Variants in GRIN2B observed in about 807,000 individuals in gnomAD.
GRIN2B encodes the protein glutamate receptor ionotropic, NMDA 2B.
In GRIN2B, 5 loss-of-function variants were observed where a neutral mutation model predicts 114.5. The ratio of observed to expected loss-of-function variants is 0.04; its 90% CI spans 0.02 to 0.09. The LOEUF (loss-of-function observed/expected upper bound fraction) is 0.09. Among genes scored for constraint, GRIN2B ranks in the 10% least tolerant of loss-of-function variants. The pLI, the probability that GRIN2B is intolerant of heterozygous loss-of-function variation, is 1.00. For synonymous variants in GRIN2B, 787 were observed against 745.1 expected (o/e 1.06, Z -0.92); for missense variants, 1,108 against 1,943.5 (o/e 0.57, Z 8.08).
rs1555160020 is a variant in GRIN2B, at chr12:13,942,396, C to CGCTA, written c.-19+37531_-19+37532insTAGC. Among the ~76,000 whole-genome samples, 18 of 151,922 alleles carry CGCTA rather than the reference C, an allele frequency of 1.2e-4. No homozygotes were observed. In the South Asian group the frequency reaches 2.9e-3, roughly 24 times the overall value. On this transcript the variant is annotated intron_variant, in intron 2 of 13. Transcript: ENST00000609686. ...TCTATACTTCAGCCTCAGGCACAGG[C>CGCTA]ACTATTTGGGAAGCTAAGTTGTACA...
intron 3 of GRIN2B, among the ~76,000 whole-genome samples, chr12:13,789,897 G>A (rs776264614): frequency 6.6e-6 from 1 of 152,148 alleles, no homozygotes; most frequent in Non-Finnish European, 1.5e-5. Flanking sequence ...TTACTAAAAT[G>A]TGCAAGGGCC....
chr12:13,654,275 G>A (rs1265765330), intron 5 of GRIN2B, among the ~76,000 whole-genome samples: 1 of 152,104 alleles, frequency 6.6e-6, no homozygotes, highest in Non-Finnish European at 1.5e-5. Context: ...GGGAGGAGGT[G>A]GCAAGGGAAA....
At chr12:13,567,901 TAGACA>T (rs1948661741) in intron 12 of GRIN2B, among the ~76,000 whole-genome samples, 1 of 152,026 alleles carries the variant, frequency 6.6e-6, no homozygotes, top group Non-Finnish European at 1.5e-5. Flanking sequence ...CTTTATATTA[TAGACA>T]GTGGGGAATA....
At chr12:13,692,697 C>T (rs904254148) in intron 4 of GRIN2B, among the ~76,000 whole-genome samples, 1 of 151,414 alleles carries the variant, frequency 6.6e-6, no homozygotes, top group African/African-American at 2.4e-5. Flanking sequence ...CTCTGGTTAC[C>T]CGAGACCCTG....
chr12:13,948,583 T>C (rs1310096444), intron 2 of GRIN2B, among the ~76,000 whole-genome samples: 2 of 152,112 alleles, frequency 1.3e-5, no homozygotes, highest in East Asian at 3.9e-4. Flanking sequence ...CCAACACTGG[T>C]GACTTAACAA....
At chr12:13,825,807 G>A (rs7976206) in intron 3 of GRIN2B, among the ~76,000 whole-genome samples, 32,948 of 151,628 alleles carry the variant, frequency 0.22, 3,827 homozygotes, top group Non-Finnish European at 0.23. Context: ...ATGAGCCACC[G>A]CACCCGGCCA....
intron 2 of GRIN2B, chr12:13,977,308 A>G (rs368108209): frequency 6.6e-6 from 1 of 152,154 alleles, no homozygotes; most frequent in Admixed American, 6.5e-5. Context: ...AAATTAGACA[A>G]TCCAGTGGTA....
In GRIN2B at chr12:13,581,766, C is replaced by T. The variant is rs548474468; in HGVS notation, c.2011-9802G>A. On this transcript the variant is annotated intron_variant, in intron 10 of 13. Transcript: ENST00000609686. ...CTTTACTAAAAATACAAAAATTAGC[C>T]AGGTGTGGTGGCGCATGCCTGTAGT... is the stretch of plus-strand genomic sequence containing the variant. Among the ~76,000 whole-genome samples the T allele has an allele frequency of 2.0e-5, 3 of 152,046 alleles. No homozygotes were observed. In the South Asian group the frequency reaches 6.3e-4, roughly 32 times the overall value.
intron 5 of GRIN2B, among the ~76,000 whole-genome samples, chr12:13,629,999 A>T (rs559745692): frequency 1.3e-5 from 2 of 152,156 alleles, no homozygotes; most frequent in African/African-American, 4.8e-5. Context: ...ACTTGCCATG[A>T]TATCTTATAT....
chr12:13,575,670 C>CAAT (rs574433534), intron 10 of GRIN2B, among the ~76,000 whole-genome samples: 4,801 of 129,736 alleles, frequency 0.037, 101 homozygotes, highest in East Asian at 0.087. Context: ...AAAATGATAA[C>CAAT]AACAATAATA....
chr12:13,944,851 A>C (rs1180488910), intron 2 of GRIN2B, among the ~76,000 whole-genome samples: 1 of 152,192 alleles, frequency 6.6e-6, no homozygotes, highest in Non-Finnish European at 1.5e-5. Flanking sequence ...GGTAATCTAG[A>C]ATACAGAAGA....
At chr12:13,932,846 T>C (rs1867058032) in intron 2 of GRIN2B, among the ~76,000 whole-genome samples, 1 of 152,244 alleles carries the variant, frequency 6.6e-6, no homozygotes. Context: ...CACTGTTCTC[T>C]TCCCAGATAA....
chr12:13,817,178 A>G (rs377508209), intron 3 of GRIN2B, among the ~76,000 whole-genome samples: 2 of 152,172 alleles, frequency 1.3e-5, no homozygotes, highest in East Asian at 1.9e-4. Context: ...GAAAAGTCCA[A>G]CAGAAGGAAG....
At chr12:13,640,099 T>C (rs978293420) in intron 5 of GRIN2B, among the ~76,000 whole-genome samples, 2 of 152,016 alleles carry the variant, frequency 1.3e-5, no homozygotes, top group African/African-American at 2.4e-5. Context: ...AAAATGTAGA[T>C]ACAAGACCAG....
intron 5 of GRIN2B, among the ~76,000 whole-genome samples, chr12:13,656,036 C>G (rs1021687648): frequency 2.0e-5 from 3 of 152,182 alleles, no homozygotes; most frequent in African/African-American, 4.8e-5. Flanking sequence ...ACCTTTCCCT[C>G]TCCGTTCTCT....
chr12:13,756,196 A>T (rs1863573282), intron 3 of GRIN2B, among the ~76,000 whole-genome samples: 2 of 152,032 alleles, frequency 1.3e-5, no homozygotes, highest in South Asian at 4.1e-4. Flanking sequence ...TTGTATTTTT[A>T]GTAGAGAAGG....
intron 5 of GRIN2B, among the ~76,000 whole-genome samples, chr12:13,621,615 T>G (rs1349422253): frequency 8.0e-5 from 5 of 62,358 alleles, no homozygotes; most frequent in African/African-American, 1.4e-4. Flanking sequence ...TAGTTTTTGT[T>G]TTTTTTTTTT....
At chr12:13,599,211 T>C (rs1805478) in intron 10 of GRIN2B, among the ~76,000 whole-genome samples, 70,255 of 151,988 alleles carry the variant, frequency 0.46, 17,205 homozygotes, top group Middle Eastern at 0.59. Flanking sequence ...GAAATCTCGA[T>C]GTGGAATCGT....
chr12:13,726,583 A>C (rs945649486), intron 4 of GRIN2B, among the ~76,000 whole-genome samples: 2 of 147,562 alleles, frequency 1.4e-5, no homozygotes, highest in Non-Finnish European at 3.0e-5. Context: ...AAATATATAT[A>C]TAAATATATA....
Sources: allele counts gnomAD v4.1 joint callset (sites outside exome capture counted in the v4.1 genomes callset), GRCh38; gene constraint gnomAD v4.1.1; transcripts MANE v1.5; gene names NCBI Gene and HGNC (gene_info 2026-07-23, HGNC 2026-07-21).